Variants in SRPK2 observed in about 807,000 individuals in gnomAD.
SRPK2 encodes the protein SRSF protein kinase 2.
In SRPK2, 21 loss-of-function variants were observed where a neutral mutation model predicts 90.8. That is an observed-to-expected ratio of 0.23 (90% confidence interval 0.16 to 0.33). The LOEUF (loss-of-function observed/expected upper bound fraction) is 0.33, where lower values mean the gene tolerates loss of function less well. Among genes scored for constraint, SRPK2 ranks in the 10% least tolerant of loss-of-function variants. The pLI is 1.00. For missense variants in SRPK2, 620 were observed against 869.0 expected, an observed-to-expected ratio of 0.71 and a Z score of 3.60; for synonymous variants, 288 against 311.1, an observed-to-expected ratio of 0.93 and a Z score of 0.78.
At chr7:105,343,458 C>T (rs1328499187) in intron 2 of SRPK2, among the ~76,000 whole-genome samples, 1 of 152,042 alleles carries the variant, frequency 6.6e-6, no homozygotes, top group African/African-American at 2.4e-5. Flanking sequence ...CAAAAGTCAC[C>T]ATTATTAAGA....
chr7:105,150,969 C>T (rs781383196), intron 7 of SRPK2, among the ~76,000 whole-genome samples: 2 of 152,076 alleles, frequency 1.3e-5, no homozygotes, highest in African/African-American at 2.4e-5. Flanking sequence ...ATTCACTGTG[C>T]GGGAGGCTGC....
chr7:105,342,357 A>T (rs1239941792), intron 2 of SRPK2, among the ~76,000 whole-genome samples: 1 of 149,824 alleles, frequency 6.7e-6, no homozygotes, highest in African/African-American at 2.4e-5. Flanking sequence ...TAATAATAAT[A>T]ATTAAATAAA....
At chr7:105,251,111 T>C (rs1226224598) in intron 2 of SRPK2, among the ~76,000 whole-genome samples, 3 of 152,200 alleles carry the variant, frequency 2.0e-5, no homozygotes, top group Non-Finnish European at 4.4e-5. Context: ...TTGAAATAAA[T>C]ACTTACATCT....
intron 3 of SRPK2, among the ~76,000 whole-genome samples, chr7:105,172,673 C>T (rs1563030071): frequency 6.6e-6 from 1 of 152,120 alleles, no homozygotes. Flanking sequence ...ACTAGGTTCA[C>T]GGCTGGAAAC....
chr7:105,381,791 T>G (rs949570161), intron 2 of SRPK2, among the ~76,000 whole-genome samples: 1 of 152,224 alleles, frequency 6.6e-6, no homozygotes, highest in Non-Finnish European at 1.5e-5. Context: ...CTTATGAGCT[T>G]GAATTTATAC....
At chr7:105,248,663 G>A (rs999616233) in intron 2 of SRPK2, among the ~76,000 whole-genome samples, 3 of 152,026 alleles carry the variant, frequency 2.0e-5, no homozygotes, top group South Asian at 2.1e-4. Context: ...AGGTTAGTCC[G>A]GGCGCGATGG....
At chr7:105,309,140 A>C (rs1811442615) in intron 2 of SRPK2, among the ~76,000 whole-genome samples, 1 of 152,192 alleles carries the variant, frequency 6.6e-6, no homozygotes, top group Admixed American at 6.5e-5. Context: ...TGCTCTTAAA[A>C]TTCCAAACAT....
intron 9 of SRPK2, among the ~76,000 whole-genome samples, chr7:105,144,248 T>TTTC (rs1804215709): frequency 7.3e-6 from 1 of 137,122 alleles, no homozygotes; most frequent in African/African-American, 2.8e-5. Flanking sequence ...CTAATTTTTT[T>TTTC]TTTTTTTTTT....
intron 2 of SRPK2, among the ~76,000 whole-genome samples, chr7:105,292,122 G>A (rs569887834): frequency 6.6e-6 from 1 of 152,194 alleles, no homozygotes; most frequent in Admixed American, 6.5e-5. Context: ...AGGAATCAAT[G>A]ATTCTTGACA....
At chr7:105,176,612 T>TAA (rs1791920667) in intron 3 of SRPK2, among the ~76,000 whole-genome samples, 3 of 32,512 alleles carry the variant, frequency 9.2e-5, no homozygotes, top group Admixed American at 9.9e-4. Context: ...TGTGTGTGTA[T>TAA]ACGTGTGTGT....
chr7:105,311,434 T>C (rs1341748731), intron 2 of SRPK2, among the ~76,000 whole-genome samples: 1 of 152,198 alleles, frequency 6.6e-6, no homozygotes, highest in Non-Finnish European at 1.5e-5. Flanking sequence ...GGTTTCACCA[T>C]GTTGGCTGGG....
intron 2 of SRPK2, among the ~76,000 whole-genome samples, chr7:105,379,655 T>TA (rs1219956541): frequency 5.3e-5 from 8 of 151,970 alleles, no homozygotes; most frequent in East Asian, 3.9e-4. Flanking sequence ...TAAATAAATG[T>TA]AAAAAAAATC....
chr7:105,208,286 C>A (rs1345933268), intron 2 of SRPK2, among the ~76,000 whole-genome samples: 5 of 152,148 alleles, frequency 3.3e-5, no homozygotes, highest in African/African-American at 9.7e-5. Context: ...CAATTCCACT[C>A]CCAAGTATAT....
intron 5 of SRPK2, 66 bp from the exon 6 acceptor site, chr7:105,167,530 C>T: frequency 2.1e-6 from 2 of 951,470 alleles, no homozygotes; most frequent in Non-Finnish European, 3.2e-6. Flanking sequence ...CCCATTATAA[C>T]ACCAATACTG....
intron 2 of SRPK2, among the ~76,000 whole-genome samples, chr7:105,380,947 T>TAA (rs869039181): frequency 3.6e-4 from 37 of 104,110 alleles, no homozygotes; most frequent in Admixed American, 9.7e-4. Context: ...TTTATTACTT[T>TAA]AAAAAAAAAA....
chr7:105,136,485 A>C (rs1354896143), intron 11 of SRPK2, among the ~76,000 whole-genome samples: 3 of 152,126 alleles, frequency 2.0e-5, no homozygotes, highest in East Asian at 3.8e-4. Context: ...TTGCAATTGC[A>C]CTCTGCTTCC....
intron 2 of SRPK2, among the ~76,000 whole-genome samples, chr7:105,361,525 T>C (rs1056851028): frequency 1.3e-5 from 2 of 152,142 alleles, no homozygotes; most frequent in Non-Finnish European, 2.9e-5. Context: ...AAGACAATCC[T>C]AAGCAAAAAG....
chr7:105,283,412 G>C (rs1253551061), intron 2 of SRPK2, among the ~76,000 whole-genome samples: 4 of 152,186 alleles, frequency 2.6e-5, no homozygotes, highest in Non-Finnish European at 5.9e-5. Flanking sequence ...ATTGAGGAAT[G>C]TTAAATAAAA....
intron 2 of SRPK2, among the ~76,000 whole-genome samples, chr7:105,308,503 T>C (rs1271609135): frequency 6.6e-6 from 1 of 152,232 alleles, no homozygotes; most frequent in African/African-American, 2.4e-5. Context: ...GTACTCATTT[T>C]CATATAATTG....
Sources: allele counts gnomAD v4.1 joint callset (sites outside exome capture counted in the v4.1 genomes callset), GRCh38; gene constraint gnomAD v4.1.1; transcripts MANE v1.5; gene names NCBI Gene and HGNC (gene_info 2026-07-23, HGNC 2026-07-21).